SMAD1: variants seen among roughly 807,000 people sequenced by gnomAD.
SMAD1 encodes the protein MAD, mothers against decapentaplegic homolog 1.
A neutral mutation model predicts 41.6 loss-of-function variants in SMAD1; 6 were observed. The observed-to-expected ratio is 0.14, with a 90% CI of 0.08 to 0.28. SMAD1 has a LOEUF of 0.28. Ranked by LOEUF, SMAD1 falls within the 10% of genes least tolerant of loss-of-function variation. The probability of loss-of-function intolerance (pLI) is 1.00; values close to 1 mark genes in which losing one functional copy is unlikely to be tolerated. For missense variants in SMAD1, 379 were observed against 582.6 expected, an observed-to-expected ratio of 0.65 and a Z score of 3.60; for synonymous variants, 206 against 203.2, an observed-to-expected ratio of 1.01 and a Z score of -0.12.
chr4:145,539,969 A>G lies in SMAD1; in HGVS notation c.566A>G (p.Asn189Ser), dbSNP rs770895114. ...PNSHPFPHSP[N>S]SSYPNSPGSS... ...AGCCACCCGTTTCCTCACTCTCCCA[A>G]TAGCAGTTACCCAAACTCTCCTGGG... Residue 189 changes from asparagine to serine, a missense_variant, in exon 3 of 7, where the codon AAT (asparagine) becomes AGT (serine). Asn to Ser is a conservative substitution (Grantham distance 46). Around this residue, in one of 3 missense-constraint regions of SMAD1, gnomAD observed 208 missense variants for 210.5 expected, o/e 0.99. Transcript: ENST00000302085. The G allele has an allele frequency of 3.8e-5, 61 of 1,613,766 alleles. No individual in the cohort carries two copies. In the East Asian group the frequency reaches 1.3e-3, roughly 34 times the overall value.
intron 5 of SMAD1, among the ~76,000 whole-genome samples, chr4:145,547,428 C>CA (rs1732308894): frequency 6.6e-6 from 1 of 151,714 alleles, no homozygotes; most frequent in East Asian, 1.9e-4. Flanking sequence ...TTCAAAAGAA[C>CA]AAAAAATCAG....
At chr4:145,536,502 T>G (rs548349691) in intron 2 of SMAD1, among the ~76,000 whole-genome samples, 52 of 152,180 alleles carry the variant, frequency 3.4e-4, no homozygotes, top group African/African-American at 1.3e-3. Flanking sequence ...ACCATCAAAA[T>G]AGATAAAGAT....
chr4:145,554,465 A>G (rs1434781967), intron 6 of SMAD1, among the ~76,000 whole-genome samples: 1 of 152,192 alleles, frequency 6.6e-6, no homozygotes, highest in Non-Finnish European at 1.5e-5. Flanking sequence ...AACAGTAAGC[A>G]AGTGATCTTT....
chr4:145,528,745 A>G (rs1731168702), intron 2 of SMAD1, among the ~76,000 whole-genome samples: 2 of 152,196 alleles, frequency 1.3e-5, no homozygotes, highest in Non-Finnish European at 2.9e-5. Flanking sequence ...TCTTTGTGTA[A>G]TGACTACCTC....
chr4:145,540,138 A>G, intron 3 of SMAD1, 77 bp downstream of exon 3: 1 of 1,550,482 alleles, frequency 6.4e-7, no homozygotes, highest in Middle Eastern at 1.7e-4. Context: ...AGCTGGGTCA[A>G]CCTGCAGTGG....
At chr4:145,512,025 T>C (rs1481141794) in intron 1 of SMAD1, among the ~76,000 whole-genome samples, 1 of 152,258 alleles carries the variant, frequency 6.6e-6, no homozygotes, top group Non-Finnish European at 1.5e-5. Context: ...GTGTTTTTCC[T>C]CTAAATGTAG....
rs1010179259 is a variant in SMAD1 at position 145,557,709 on chromosome 4, T to G, written c.1255-82T>G. 151 of 1,098,438 alleles carry G rather than the reference T, an allele frequency of 1.4e-4. 1 individual carries two copies. Among genetic ancestry groups the G allele is most frequent in the Admixed American group, 4.6e-4 (20 of 43,880 alleles). 68.0% of individuals were successfully genotyped at this position (1,098,438 alleles called of 1,614,324 possible). A position where few individuals can be genotyped will look rare whatever the true frequency, so the allele number is the denominator to read the frequency against. On this transcript the variant is annotated intron_variant, in intron 6 of 6. Coordinates refer to ENST00000302085, the MANE Select transcript of SMAD1 (RefSeq NM_005900.3). ...AGATGCATAGCTTTAATCAGAGTCT[T>G]TGGTTATGTGAACTCTTCTTACTTA... is the stretch of plus-strand genomic sequence containing the variant.
intron 1 of SMAD1, among the ~76,000 whole-genome samples, chr4:145,506,303 A>G (rs945773069): frequency 6.6e-6 from 1 of 152,212 alleles, no homozygotes; most frequent in Non-Finnish European, 1.5e-5. Context: ...AAGAAAGTGT[A>G]ATGAACCAAA....
At chr4:145,539,202 A>G (rs1731785480) in intron 2 of SMAD1, among the ~76,000 whole-genome samples, 2 of 152,240 alleles carry the variant, frequency 1.3e-5, no homozygotes, top group South Asian at 2.1e-4. Flanking sequence ...CTCCTAGGAC[A>G]GGATACAAGA....
intron 5 of SMAD1, among the ~76,000 whole-genome samples, chr4:145,552,064 TAC>T (rs1464159925): frequency 6.6e-6 from 1 of 152,228 alleles, no homozygotes; most frequent in Non-Finnish European, 1.5e-5. Context: ...CAAAACTGAA[TAC>T]AGTGTATCAA....
chr4:145,541,393 A>G (rs192030982), intron 3 of SMAD1, among the ~76,000 whole-genome samples: 8 of 152,364 alleles, frequency 5.3e-5, no homozygotes, highest in Admixed American at 1.3e-4. Context: ...TAGGTTGCCA[A>G]TGAAATTTTC....
intron 2 of SMAD1, among the ~76,000 whole-genome samples, chr4:145,525,474 A>C (rs1730974935): frequency 6.6e-6 from 1 of 152,236 alleles, no homozygotes; most frequent in African/African-American, 2.4e-5. Flanking sequence ...AAAATCTAAG[A>C]GGGCTTGCAG....
rs118084903 is a variant in SMAD1, at chr4:145,496,529, A to G, written c.-177+14491A>G. The stretch of plus-strand genomic sequence containing the variant: ...TGAATATAGTTGACCCTTGACCAAT[A>G]GAGGTTCGAACCGCAGGAGTCCACT... On this transcript the variant is annotated intron_variant, in intron 1 of 6. Coordinates refer to ENST00000302085, the MANE Select transcript of SMAD1 (RefSeq NM_005900.3). Among the ~76,000 whole-genome samples, 78 of 152,358 alleles carry G rather than the reference A, an allele frequency of 5.1e-4. 1 individual carries two copies. In the East Asian group the frequency reaches 0.013, roughly 25 times the overall value.
intron 1 of SMAD1, among the ~76,000 whole-genome samples, chr4:145,492,412 A>G (rs1728818348): frequency 6.6e-6 from 1 of 152,172 alleles, no homozygotes; most frequent in Non-Finnish European, 1.5e-5. Flanking sequence ...GGAAACTTAC[A>G]TTTACTGATT....
At position 145,558,654 on chromosome 4, in the gene SMAD1, CA is replaced by C. The variant is rs1160335594; in HGVS notation, c.*721del. The stretch of plus-strand genomic sequence containing the variant: ...AAATGTAGACTATACTGTAAAAATT[CA>C]GTTTGTTGCTTTAAAGAAACAAACT... On this transcript the variant is annotated 3_prime_UTR_variant, in exon 7 of 7. Transcript: ENST00000302085. Among the ~76,000 whole-genome samples the C allele has an allele frequency of 6.6e-6, 1 of 151,908 alleles. No individual in the cohort carries two copies. The highest frequency in any genetic ancestry group is 1.5e-5 in the Non-Finnish European group (1 of 68,002).
chr4:145,556,878 A>G lies in SMAD1; in HGVS notation c.1255-913A>G, dbSNP rs193021039. ...GTTTTAGTAGAGACGGGGTTTCACC[A>G]TTTTGGCCAGGCTGGTTTCGAACTC... On this transcript the variant is annotated intron_variant, in intron 6 of 6. Transcript: ENST00000302085. Among the ~76,000 whole-genome samples, 122 of 152,010 alleles carry G rather than the reference A, an allele frequency of 8.0e-4. 2 individuals carry two copies. In the East Asian group the frequency reaches 0.022, roughly 27 times the overall value.
At chr4:145,536,473 C>T (rs1261844725) in intron 2 of SMAD1, among the ~76,000 whole-genome samples, 2 of 152,010 alleles carry the variant, frequency 1.3e-5, no homozygotes, top group Non-Finnish European at 2.9e-5. Context: ...CACCCAATGG[C>T]CAAATCTAAG....
intron 1 of SMAD1, among the ~76,000 whole-genome samples, chr4:145,507,506 CT>C (rs966606910): frequency 1.3e-5 from 2 of 151,892 alleles, no homozygotes; most frequent in East Asian, 3.9e-4. Context: ...AGATGTTTCT[CT>C]TTTTTTCCCT....
intron 2 of SMAD1, among the ~76,000 whole-genome samples, chr4:145,538,055 A>G (rs983618163): frequency 2.6e-5 from 4 of 152,186 alleles, no homozygotes; most frequent in African/African-American, 9.7e-5. Context: ...TTTAGGGGCC[A>G]ATGTTTCCCC....
Sources: gnomAD v4.1 joint callset for allele counts (sites outside exome capture counted in the v4.1 genomes callset) on GRCh38, gnomAD v4.1.1 for gene constraint, gnomAD v4.1.1 regional missense constraint, MANE v1.5 for transcripts, NCBI Gene and HGNC (gene_info 2026-07-23, HGNC 2026-07-21) for gene names.